Variants in ETV3 observed in about 807,000 individuals in gnomAD.
ETV3 encodes ETS translocation variant 3.
ETV3 carries 8 observed loss-of-function variants against 33.0 expected under a neutral mutation model. The ratio of observed to expected loss-of-function variants is 0.24; its 90% CI spans 0.14 to 0.44. The LOEUF (loss-of-function observed/expected upper bound fraction) is 0.44. Ranked by LOEUF, ETV3 falls within the 20% of genes least tolerant of loss-of-function variation. The pLI, the probability that ETV3 is intolerant of heterozygous loss-of-function variation, is 1.00. For missense variants in ETV3, 473 were observed against 652.3 expected, an observed-to-expected ratio of 0.73 and a Z score of 2.99; for synonymous variants, 222 against 238.9, an observed-to-expected ratio of 0.93 and a Z score of 0.65.
chr1:157,137,417 A>G lies in ETV3; in HGVS notation c.-14+899T>C, dbSNP rs572912927. 2.0e-5 allele frequency among the ~76,000 whole-genome samples: 3 copies of G among 152,038 alleles called. No homozygotes were observed. In the South Asian group the frequency reaches 6.2e-4, roughly 32 times the overall value. ...TCTTTTGAATATTTTTTCTCACCAA[A>G]CACATTAAGGAGACCAGCAAGTGTC... On this transcript the variant is annotated intron_variant, in intron 1 of 4. Coordinates refer to ENST00000368192, the MANE Select transcript of ETV3 (RefSeq NM_001145312.3).
intron 4 of ETV3, among the ~76,000 whole-genome samples, chr1:157,129,043 GA>G (rs1674914280): frequency 6.6e-6 from 1 of 152,170 alleles, no homozygotes; most frequent in Non-Finnish European, 1.5e-5. Flanking sequence ...AAATACTGGG[GA>G]AAGTCCTTCA....
At chr1:157,132,566 T>TA (rs1048760849) in intron 4 of ETV3, among the ~76,000 whole-genome samples, 7 of 152,122 alleles carry the variant, frequency 4.6e-5, no homozygotes, top group Non-Finnish European at 7.4e-5. Context: ...ACAAATTCTT[T>TA]AAAATTGTTG....
intron 3 of ETV3, among the ~76,000 whole-genome samples, chr1:157,134,727 A>C (rs1464894212): frequency 6.6e-6 from 1 of 152,226 alleles, no homozygotes; most frequent in African/African-American, 2.4e-5. Context: ...TGATCTGGAA[A>C]ACAGCAGCTA....
At chr1:157,132,682 A>T (rs1674995914) in intron 4 of ETV3, among the ~76,000 whole-genome samples, 1 of 152,068 alleles carries the variant, frequency 6.6e-6, no homozygotes, top group South Asian at 2.1e-4. Flanking sequence ...TGATTTCCTA[A>T]CGCCTCTCCC....
intron 4 of ETV3, among the ~76,000 whole-genome samples, chr1:157,126,309 T>G (rs762831384): frequency 6.6e-6 from 1 of 152,192 alleles, no homozygotes; most frequent in Non-Finnish European, 1.5e-5. Context: ...GGCTTAACGG[T>G]TGTGTACTTC....
At chr1:157,135,420 C>T in intron 3 of ETV3, 51 bp downstream of exon 3, 1 of 1,599,924 alleles carries the variant, frequency 6.3e-7, no homozygotes, top group Non-Finnish European at 8.6e-7. Flanking sequence ...CACCAAACAG[C>T]TTAGTCTCCT....
intron 4 of ETV3, among the ~76,000 whole-genome samples, chr1:157,131,028 G>GA (rs1473264714): frequency 6.6e-6 from 1 of 152,296 alleles, no homozygotes; most frequent in East Asian, 1.9e-4. Context: ...TATATAAATA[G>GA]AAAGAGATAA....
chr1:157,135,230 C>T, intron 3 of ETV3: 3 of 600,798 alleles, frequency 5.0e-6, no homozygotes, highest in Non-Finnish European at 8.8e-6. Flanking sequence ...AGCTGTCTGT[C>T]AGGATCCAGT....
At chr1:157,128,847 TTTTGGAA>T (rs142750946) in intron 4 of ETV3, among the ~76,000 whole-genome samples, 264 of 152,350 alleles carry the variant, frequency 1.7e-3, no homozygotes, top group African/African-American at 5.8e-3. Context: ...TATGTTTGGC[TTTTGGAA>T]TTTTAACGGT....
chr1:157,136,489 T>C (rs1675114853), intron 1 of ETV3, 124 bp from the exon 2 acceptor site: 2 of 835,646 alleles, frequency 2.4e-6, no homozygotes, highest in Non-Finnish European at 3.7e-6. Context: ...GCAACTCTCT[T>C]TCTTTCAAAC....
intron 3 of ETV3, 185 bp downstream of exon 3, chr1:157,135,286 C>T: frequency 1.4e-6 from 1 of 714,382 alleles, no homozygotes; most frequent in Non-Finnish European, 2.3e-6. Context: ...AAAGATATGC[C>T]TTTTCTCCTC....
At chr1:157,134,878 A>C (rs559345511) in intron 3 of ETV3, among the ~76,000 whole-genome samples, 1 of 152,372 alleles carries the variant, frequency 6.6e-6, no homozygotes, top group African/African-American at 2.4e-5. Context: ...AGCAGAGGTC[A>C]TAAACTGCCT....
chr1:157,126,122 C>G (rs956774159), intron 4 of ETV3, 143 bp from the exon 5 acceptor site: 2 of 730,266 alleles, frequency 2.7e-6, no homozygotes, highest in African/African-American at 3.6e-5. Flanking sequence ...CTCCAACTTC[C>G]TAGTAACTAC....
At chr1:157,130,774 G>A (rs576321879) in intron 4 of ETV3, among the ~76,000 whole-genome samples, 1 of 152,170 alleles carries the variant, frequency 6.6e-6, no homozygotes, top group Non-Finnish European at 1.5e-5. Flanking sequence ...CAAATTGCAT[G>A]TCATTGTTAA....
At chr1:157,137,814 A>C (rs1675156610) in intron 1 of ETV3, among the ~76,000 whole-genome samples, 1 of 151,962 alleles carries the variant, frequency 6.6e-6, no homozygotes, top group Non-Finnish European at 1.5e-5. Context: ...CCAGCTCTCC[A>C]ATTTTCCCCA....
Position 157,122,437 on chromosome 1 carries a change from C to A in ETV3, c.*2404G>T, listed in dbSNP as rs1368073590. On this transcript the variant is annotated 3_prime_UTR_variant, in exon 5 of 5. Transcript: ENST00000368192. ...GAAACAGTTAAACACCAAACAATTT[C>A]TTAAAGCCAAAAAATATTTTTCATG... 1 of 151,788 alleles carries A rather than the reference C, an allele frequency of 6.6e-6. No homozygotes were observed. The highest frequency in any genetic ancestry group is 1.5e-5 in the Non-Finnish European group (1 of 67,932). The allele number at this position is 151,788 out of a possible 1,614,324, so 9.4% of individuals were successfully genotyped here.
chr1:157,133,840 A>G (rs1294230828), intron 4 of ETV3: 1 of 1,210,754 alleles, frequency 8.3e-7, no homozygotes, highest in African/African-American at 1.6e-5. Flanking sequence ...TCATTCCCAA[A>G]CAAGATAGCG....
chr1:157,126,454 C>CATAT (rs749333178), intron 4 of ETV3, among the ~76,000 whole-genome samples: 2 of 151,790 alleles, frequency 1.3e-5, no homozygotes, highest in African/African-American at 4.8e-5. Flanking sequence ...TAATTTTGGC[C>CATAT]ATATATATAT....
intron 4 of ETV3, among the ~76,000 whole-genome samples, chr1:157,131,957 C>T (rs182920041): frequency 6.6e-6 from 1 of 152,314 alleles, no homozygotes; most frequent in East Asian, 1.9e-4. Context: ...GAAATGTACA[C>T]AGTTTTGCTT....
Sources: gnomAD v4.1 joint callset for allele counts (sites outside exome capture counted in the v4.1 genomes callset) on GRCh38, gnomAD v4.1.1 for gene constraint, MANE v1.5 for transcripts, NCBI Gene and HGNC (gene_info 2026-07-23, HGNC 2026-07-21) for gene names.